FBXO34: variants seen among roughly 807,000 people sequenced by gnomAD.
FBXO34 encodes the protein F-box protein 34, also known as F-box only protein 34.
In FBXO34, 12 loss-of-function variants were observed where a neutral mutation model predicts 24.5. That is an observed-to-expected ratio of 0.49 (90% CI 0.31 to 0.79). The LOEUF is 0.79. FBXO34 is among the 30% of genes least tolerant of loss of function. The probability of loss-of-function intolerance (pLI) is 0.04; values close to 1 mark genes in which losing one functional copy is unlikely to be tolerated. For synonymous variants in FBXO34, 320 were observed against 311.9 expected (o/e 1.03, Z -0.27); for missense variants, 823 against 857.7 (o/e 0.96, Z 0.51).
chr14:55,353,851 A>G (rs566849675), downstream of FBXO34, among the ~76,000 whole-genome samples: 143 of 152,256 alleles, frequency 9.4e-4, no homozygotes, highest in Non-Finnish European at 1.8e-3. Flanking sequence ...CGTATTATCT[A>G]GGAGATTCTT....
the FBXO34 span, among the ~76,000 whole-genome samples, chr14:55,432,732 G>A: frequency 1.1e-4 from 17 of 152,292 alleles, no homozygotes; most frequent in Admixed American, 6.5e-4. Context: ...TTTATAGAGC[G>A]AGAAATTGGC....
In FBXO34 at chr14:55,352,012, C is replaced by G; in HGVS notation, c.1622C>G (p.Thr541Arg). Residue 541 changes from threonine (T) to arginine (R), a missense_variant, in exon 2 of 2, where the codon ACA becomes AGA. Transcript: ENST00000313833. ...FVLPASSVES[T>R]LPVLEASSWK... ...CTGCCAGCCTCTTCTGTGGAAAGTACATTACCAGTGCTTGAGGCATCCAGT... is the reference window on the plus strand; with the variant it reads ...CTGCCAGCCTCTTCTGTGGAAAGTAGATTACCAGTGCTTGAGGCATCCAGT... The G allele has an allele frequency of 6.2e-7, 1 of 1,614,192 alleles. No homozygotes were observed. The highest frequency in any genetic ancestry group is 8.5e-7 in the Non-Finnish European group (1 of 1,180,046).
chr14:55,352,136 T>G lies in FBXO34; in HGVS notation c.1746T>G (p.Ile582Met), dbSNP rs761506690. 6.2e-7 allele frequency: 1 copy of G among 1,614,074 alleles called. No homozygotes were observed. The highest frequency in any genetic ancestry group is 8.5e-7 in the Non-Finnish European group (1 of 1,180,010). ...ACATGGCTTTTCTGCCCCACCACATTATGGTAAAAATCTTCAGGTTACTTC... is the reference window on the plus strand; with the variant it reads ...ACATGGCTTTTCTGCCCCACCACATGATGGTAAAAATCTTCAGGTTACTTC... The part of the protein sequence containing the change: ...QQYMAFLPHH[I>M]MVKIFRLLPT... Residue 582 changes from isoleucine to methionine, a missense_variant, in exon 2 of 2, where the codon ATT (isoleucine) becomes ATG (methionine). By Grantham distance (10) the Ile-to-Met change is conservative. Transcript: ENST00000313833.
the FBXO34 span, among the ~76,000 whole-genome samples, chr14:55,440,856 AAG>A: frequency 1.3e-5 from 2 of 152,114 alleles, no homozygotes; most frequent in East Asian, 3.9e-4. Flanking sequence ...GAGAAAAAAA[AAG>A]GGATTTTTTG....
chr14:55,382,419 G>C, the FBXO34 span, among the ~76,000 whole-genome samples: 1 of 152,218 alleles, frequency 6.6e-6, no homozygotes, highest in South Asian at 2.1e-4. Flanking sequence ...AGACTCCAGA[G>C]ATACTCCTGC....
At chr14:55,326,690 T>C (rs1189999828) in intron 1 of FBXO34, among the ~76,000 whole-genome samples, 1 of 152,238 alleles carries the variant, frequency 6.6e-6, no homozygotes, top group African/African-American at 2.4e-5. Flanking sequence ...AATCAAAGTA[T>C]AATTCGTTTT....
At chr14:55,323,034 G>GAAAAA (rs373055995) in intron 1 of FBXO34, among the ~76,000 whole-genome samples, 2 of 62,590 alleles carry the variant, frequency 3.2e-5, no homozygotes, top group Admixed American at 1.4e-4. Flanking sequence ...AAAAAAAAAA[G>GAAAAA]CAAAAACGGG....
chr14:55,278,259 A>G lies in FBXO34; in HGVS notation c.-11+6722A>G, dbSNP rs541027235. On this transcript the variant is annotated intron_variant, in intron 1 of 1. Transcript: ENST00000313833. ...AGTACATTCAGTTTGTGAGGAACTG[A>G]ACTCATTTTCCCCAGATTCCCTCAC... Among the ~76,000 whole-genome samples, 65 of 152,252 alleles carry G rather than the reference A, an allele frequency of 4.3e-4. 1 individual carries two copies. The South Asian group carries it at 0.013, about 31-fold the overall frequency.
At chr14:55,440,408 C>CT in the FBXO34 span, 3 of 1,612,990 alleles carry the variant, frequency 1.9e-6, no homozygotes, top group Admixed American at 5.0e-5. Context: ...GAGCGGCGCA[C>CT]TGGTCCAGGT....
the FBXO34 span, among the ~76,000 whole-genome samples, chr14:55,403,684 TCAACAA>T: frequency 3.0e-4 from 45 of 151,994 alleles, no homozygotes; most frequent in East Asian, 7.7e-3. Flanking sequence ...AACAACAACA[TCAACAA>T]CAACAACGAA....
the FBXO34 span, among the ~76,000 whole-genome samples, chr14:55,398,313 T>TTTTTTG: frequency 1.3e-5 from 2 of 152,228 alleles, no homozygotes; most frequent in Non-Finnish European, 2.9e-5. Flanking sequence ...CTTACTTGGG[T>TTTTTTG]TTTTTGTTTT....
intron 1 of FBXO34, among the ~76,000 whole-genome samples, chr14:55,299,583 A>G (rs1882275359): frequency 1.3e-5 from 2 of 152,214 alleles, no homozygotes; most frequent in African/African-American, 4.8e-5. Flanking sequence ...CCATAACCAC[A>G]GTGCCATTAT....
the FBXO34 span, among the ~76,000 whole-genome samples, chr14:55,414,899 T>G: frequency 6.6e-6 from 1 of 152,234 alleles, no homozygotes; most frequent in Non-Finnish European, 1.5e-5. Context: ...AATTTTAGTT[T>G]AAAATTCTAA....
chr14:55,323,184 C>CAAAAAAAA (rs368380622), intron 1 of FBXO34, among the ~76,000 whole-genome samples: 6 of 12,154 alleles, frequency 4.9e-4, no homozygotes, highest in South Asian at 3.8e-3. Context: ...GACTCTGTCT[C>CAAAAAAAA]AAAAAAAAAA....
the FBXO34 span, chr14:55,413,602 C>T: frequency 9.0e-6 from 4 of 445,474 alleles, no homozygotes; most frequent in Non-Finnish European, 1.8e-5. Flanking sequence ...CCCAGGCTCC[C>T]TCCATTGGTT....
intron 1 of FBXO34, among the ~76,000 whole-genome samples, chr14:55,342,779 A>T (rs1272360348): frequency 5.3e-5 from 8 of 152,214 alleles, no homozygotes; most frequent in African/African-American, 1.9e-4. Context: ...TAGTAGTTTT[A>T]TGTGGCACTT....
the FBXO34 span, among the ~76,000 whole-genome samples, chr14:55,428,119 CTTTTTTTTTTTTTTT>C: frequency 1.2e-4 from 5 of 43,332 alleles, 2 homozygotes; most frequent in South Asian, 2.2e-3. Context: ...CATGCCTTAT[CTTTTTTTTTTTTTTT>C]TTTTTTTTTT....
At chr14:55,397,385 C>T in the FBXO34 span, 1 of 1,613,484 alleles carries the variant, frequency 6.2e-7, no homozygotes, top group Non-Finnish European at 8.5e-7. Context: ...TTCTGAAATT[C>T]TTCTTGCTTG....
At chr14:55,367,369 C>G (rs1250469436) in exon 3 of FBXO34, 1 of 152,216 alleles carries the variant, frequency 6.6e-6, no homozygotes, top group Non-Finnish European at 1.5e-5. Flanking sequence ...CTACGAACTC[C>G]AGAACTGGAT....
Sources: gnomAD v4.1 joint callset for allele counts (sites outside exome capture counted in the v4.1 genomes callset) on GRCh38, gnomAD v4.1.1 for gene constraint, MANE v1.5 for transcripts, NCBI Gene and HGNC (gene_info 2026-07-23, HGNC 2026-07-21) for gene names.